FLCN: variants seen among roughly 807,000 people sequenced by gnomAD.
The protein encoded by FLCN is BHD skin lesion fibrofolliculoma protein.
In FLCN, 22 loss-of-function variants were observed where a neutral mutation model predicts 62.5. The ratio of observed to expected loss-of-function variants is 0.35; its 90% CI spans 0.25 to 0.50. The LOEUF (loss-of-function observed/expected upper bound fraction) is 0.50. Among genes scored for constraint, FLCN ranks in the 20% least tolerant of loss-of-function variants. The pLI is 0.97. For synonymous variants in FLCN, 319 were observed against 310.0 expected (o/e 1.03, Z -0.30); for missense variants, 657 against 778.0 (o/e 0.84, Z 1.85).
chr17:17,231,136 G>A (rs1169650061), intron 3 of FLCN, among the ~76,000 whole-genome samples: 1 of 152,172 alleles, frequency 6.6e-6, no homozygotes, highest in African/African-American at 2.4e-5. Flanking sequence ...GGAGGCGAAG[G>A]TTGCAGTGAG....
intron 8 of FLCN, 180 bp downstream of exon 8, chr17:17,221,357 G>C: frequency 4.4e-6 from 7 of 1,596,528 alleles, no homozygotes; most frequent in Non-Finnish European, 6.0e-6. Context: ...AACGAGACAG[G>C]AAATCACAAC....
chr17:17,214,117 C>T (rs2046833526), intron 13 of FLCN, among the ~76,000 whole-genome samples: 2 of 151,466 alleles, frequency 1.3e-5, no homozygotes, highest in Admixed American at 1.3e-4. Flanking sequence ...CCACACCCTC[C>T]CTCAAGCTGT....
At chr17:17,234,540 T>C (rs955214132) in intron 1 of FLCN, among the ~76,000 whole-genome samples, 11 of 151,618 alleles carry the variant, frequency 7.3e-5, no homozygotes, top group African/African-American at 2.4e-4. Flanking sequence ...CTTATTCGTT[T>C]TTCCTTTTAA....
chr17:17,230,896 C>T (rs1179145336), intron 3 of FLCN, among the ~76,000 whole-genome samples: 1 of 151,694 alleles, frequency 6.6e-6, no homozygotes, highest in Non-Finnish European at 1.5e-5. Context: ...GACTTCGTCT[C>T]GAAAAAATTA....
Position 17,215,379 on chromosome 17 carries a change from GC to G in FLCN, c.1301-64del. 3 of 1,609,996 alleles carry G rather than the reference GC, an allele frequency of 1.9e-6. No homozygotes were observed. The Admixed American group carries it at 5.0e-5, about 27-fold the overall frequency. ...CATGCTCCTCACCTCCCCTGCGCTA[GC>G]CCACCGTGGGCCCCACTCCGCTCAT... On this transcript the variant is annotated intron_variant, in intron 11 of 13. Coordinates refer to ENST00000285071, the MANE Select transcript of FLCN (RefSeq NM_144997.7).
Position 17,218,973 on chromosome 17 carries a change from T to G in FLCN, c.1062+46A>C, listed in dbSNP as rs772661532. ...CGTGTGGGCAGGGACAGCCCATGAC[T>G]GGCTCTCCTCCTGAGCTCCTGATGC... On this transcript the variant is annotated intron_variant, in intron 9 of 13. Coordinates refer to ENST00000285071, the MANE Select transcript of FLCN (RefSeq NM_144997.7). 3 of 1,605,306 alleles carry G rather than the reference T, an allele frequency of 1.9e-6. No individual in the cohort carries two copies. The highest frequency in any genetic ancestry group is 2.6e-6 in the Non-Finnish European group (3 of 1,175,952).
chr17:17,225,708 CT>C (rs2047225441), intron 5 of FLCN: 2 of 264,742 alleles, frequency 7.6e-6, no homozygotes, highest in Non-Finnish European at 7.6e-6. Flanking sequence ...GAGACTCTGT[CT>C]TAACAACAAC....
chr17:17,219,773 C>A (rs2047037579), intron 8 of FLCN: 1 of 156,704 alleles, frequency 6.4e-6, no homozygotes, highest in Non-Finnish European at 1.4e-5. Flanking sequence ...GGGGTTTCAC[C>A]GTTATCTGCC....
chr17:17,217,913 C>T (rs912214785), intron 9 of FLCN, among the ~76,000 whole-genome samples: 1 of 152,132 alleles, frequency 6.6e-6, no homozygotes, highest in Admixed American at 6.5e-5. Context: ...TCAAAGTAGT[C>T]CCACCTCCAG....
At position 17,221,386 on chromosome 17, in the gene FLCN, G is replaced by A. The variant is rs370191956; in HGVS notation, c.871+151C>T. The A allele has an allele frequency of 1.8e-5, 29 of 1,612,652 alleles. No individual in the cohort carries two copies. In the African/African-American group the frequency reaches 2.1e-4, roughly 12 times the overall value. ...TCACAACAATCACAACAATCACACC[G>A]AGATCGGAGGGTGAGCTTCCCGAAG... On this transcript the variant is annotated intron_variant, in intron 8 of 13. Coordinates refer to ENST00000285071, the MANE Select transcript of FLCN (RefSeq NM_144997.7).
At chr17:17,218,476 C>G (rs1232304578) in intron 9 of FLCN, among the ~76,000 whole-genome samples, 2 of 150,892 alleles carry the variant, frequency 1.3e-5, no homozygotes, top group African/African-American at 2.4e-5. Context: ...ACCTCCACCT[C>G]CCAGGTTCAA....
Sources: gnomAD v4.1 joint callset for allele counts (sites outside exome capture counted in the v4.1 genomes callset) on GRCh38, gnomAD v4.1.1 for gene constraint, MANE v1.5 for transcripts, NCBI Gene and HGNC (gene_info 2026-07-23, HGNC 2026-07-21) for gene names.